LRRN2: variants seen among roughly 807,000 people sequenced by gnomAD.
The protein encoded by LRRN2 is leucine-rich repeat neuronal protein 2.
In LRRN2, 10 loss-of-function variants were observed where a neutral mutation model predicts 35.7. The ratio of observed to expected loss-of-function variants is 0.28; its 90% confidence interval spans 0.17 to 0.47. LRRN2 has a LOEUF of 0.47. Among genes scored for constraint, LRRN2 ranks in the 20% least tolerant of loss-of-function variants. LRRN2 has a pLI of 0.99. For missense variants in LRRN2, 731 were observed against 940.3 expected (o/e 0.78, Z 2.91); for synonymous variants, 391 against 409.6 (o/e 0.95, Z 0.55).
chr1:204,649,278 T>C (rs1668173943), intron 1 of LRRN2, among the ~76,000 whole-genome samples: 1 of 152,188 alleles, frequency 6.6e-6, no homozygotes, highest in Non-Finnish European at 1.5e-5. Context: ...TCAGGCGCTC[T>C]GGGCTGAACA....
intron 1 of LRRN2, among the ~76,000 whole-genome samples, chr1:204,677,208 T>C (rs1409521216): frequency 6.6e-6 from 1 of 152,218 alleles, no homozygotes; most frequent in Non-Finnish European, 1.5e-5. Flanking sequence ...TTCCACTTCC[T>C]CTGGATTGTA....
At chr1:204,637,645 C>CGTGT (rs67761829) in intron 1 of LRRN2, among the ~76,000 whole-genome samples, 8,146 of 129,856 alleles carry the variant, frequency 0.063, 254 homozygotes, top group East Asian at 0.11. Context: ...CAGCACGTGA[C>CGTGT]GTGTGTGTGT....
intron 1 of LRRN2, among the ~76,000 whole-genome samples, chr1:204,630,268 G>A (rs1038807235): frequency 6.6e-6 from 1 of 150,998 alleles, no homozygotes; most frequent in African/African-American, 2.4e-5. Context: ...CTGCCTCCAA[G>A]TGTCAGTGGT....
intron 1 of LRRN2, among the ~76,000 whole-genome samples, chr1:204,669,771 G>A (rs747218496): frequency 2.0e-5 from 3 of 152,216 alleles, no homozygotes; most frequent in Non-Finnish European, 2.9e-5. Flanking sequence ...GGTGCAGAGT[G>A]CAGAGCATGA....
At chr1:204,652,264 C>CCCCCCCG (rs1553348482) in intron 1 of LRRN2, among the ~76,000 whole-genome samples, 1 of 10,544 alleles carries the variant, frequency 9.5e-5, no homozygotes, top group Admixed American at 1.3e-3. Context: ...TTCACCGCCC[C>CCCCCCCG]CCCCCCGCCC....
rs1441165495 is a variant in LRRN2, at chr1:204,618,412, C to T, written c.1581G>A (p.Gln527=). 1 of 1,613,872 alleles carries T rather than the reference C, an allele frequency of 6.2e-7. No homozygotes were observed. The highest frequency in any genetic ancestry group is 1.1e-5 in the South Asian group (1 of 91,078). ...ALLQPGRDEG[Q]GLELRVQETH... ...TCTCCTGCACCCGGAGCTCCAGCCCCTGTCCTTCGTCCCTGCCTGGCTGGA... is the reference window on the plus strand; with the variant it reads ...TCTCCTGCACCCGGAGCTCCAGCCCTTGTCCTTCGTCCCTGCCTGGCTGGA... Residue 527 remains glutamine (Q), a synonymous_variant, in exon 2 of 2, where the codon CAG becomes CAA. Transcript: ENST00000367177.
intron 1 of LRRN2, among the ~76,000 whole-genome samples, chr1:204,668,486 T>C (rs1308369810): frequency 1.3e-5 from 2 of 152,076 alleles, no homozygotes; most frequent in Non-Finnish European, 2.9e-5. Context: ...ACCCAGCTAC[T>C]TGGGAGGCTG....
At chr1:204,647,495 C>G (rs1204733282) in intron 1 of LRRN2, among the ~76,000 whole-genome samples, 1 of 152,082 alleles carries the variant, frequency 6.6e-6, no homozygotes, top group Non-Finnish European at 1.5e-5. Context: ...TTTGTCTCAC[C>G]TATTTAAAGG....
intron 1 of LRRN2, among the ~76,000 whole-genome samples, chr1:204,676,174 A>C (rs59543676): frequency 7.1e-6 from 1 of 140,224 alleles, no homozygotes; most frequent in African/African-American, 3.0e-5. Context: ...GTGTGTGTGT[A>C]CCCACCCATG....
At chr1:204,621,468 C>G (rs903668164) in intron 1 of LRRN2, 7 of 167,232 alleles carry the variant, frequency 4.2e-5, no homozygotes, top group Non-Finnish European at 8.8e-5. Context: ...TATGCTCTTG[C>G]AGTACTCATG....
At position 204,617,868 on chromosome 1, in the gene LRRN2, A is replaced by G. The variant is rs762930050; in HGVS notation, c.2125T>C (p.Leu709=). 28 of 1,613,874 alleles carry G rather than the reference A, an allele frequency of 1.7e-5. No homozygotes were observed. The highest frequency in any genetic ancestry group is 2.2e-5 in the Non-Finnish European group (26 of 1,179,922). ...GCTGAGCTTCAAGAATTTTGAGACA[A>G]TGGTGGCAACAGTGTCTCCCCTTCT... is the stretch of plus-strand genomic sequence containing the variant. ...SSEGETLLPP[L]SQNS is the part of the protein sequence containing the mutation. The change falls in exon 2 of 2, where the codon TTG becomes CTG. Residue 709 remains leucine (L), a synonymous_variant. Transcript: ENST00000367177.
At chr1:204,654,504 T>C (rs1239733472) in intron 1 of LRRN2, among the ~76,000 whole-genome samples, 4 of 152,262 alleles carry the variant, frequency 2.6e-5, no homozygotes, top group Admixed American at 2.0e-4. Context: ...AAGGAAGTTG[T>C]ACAAAGTTCT....
intron 1 of LRRN2, among the ~76,000 whole-genome samples, chr1:204,643,276 G>A (rs1668022295): frequency 6.6e-6 from 1 of 152,222 alleles, no homozygotes; most frequent in African/African-American, 2.4e-5. Flanking sequence ...TTAATCTGAA[G>A]TCCTCAGTTG....
At chr1:204,642,897 A>T (rs946136505) in intron 1 of LRRN2, among the ~76,000 whole-genome samples, 1 of 152,198 alleles carries the variant, frequency 6.6e-6, no homozygotes, top group Non-Finnish European at 1.5e-5. Context: ...ATCCCCTGGA[A>T]GGTGCAGCAC....
intron 1 of LRRN2, among the ~76,000 whole-genome samples, chr1:204,650,133 G>A (rs1257270411): frequency 6.6e-6 from 1 of 152,232 alleles, no homozygotes; most frequent in Non-Finnish European, 1.5e-5. Flanking sequence ...TCTGATGCAA[G>A]GGGGGCAGCT....
intron 1 of LRRN2, chr1:204,620,730 G>A (rs1370680581): frequency 6.0e-6 from 1 of 167,628 alleles, no homozygotes; most frequent in Non-Finnish European, 1.5e-5. Flanking sequence ...GTGTGTATGT[G>A]TGTGTGTACA....
At chr1:204,652,248 C>T (rs1412312272) in intron 1 of LRRN2, among the ~76,000 whole-genome samples, 18 of 118,070 alleles carry the variant, frequency 1.5e-4, no homozygotes, top group Middle Eastern at 3.8e-3. Flanking sequence ...CCTTCGCCCT[C>T]TCCTCTTCAC....
intron 1 of LRRN2, among the ~76,000 whole-genome samples, chr1:204,656,154 C>T (rs1668351025): frequency 6.6e-6 from 1 of 152,182 alleles, no homozygotes; most frequent in African/African-American, 2.4e-5. Flanking sequence ...CATGATCTGC[C>T]CGCCTCAGCC....
intron 1 of LRRN2, among the ~76,000 whole-genome samples, chr1:204,657,121 C>T (rs182505010): frequency 7.9e-5 from 12 of 152,086 alleles, no homozygotes; most frequent in African/African-American, 2.4e-4. Flanking sequence ...CTGGCCAACA[C>T]GGCGAAACCC....
Sources: allele counts gnomAD v4.1 joint callset (sites outside exome capture counted in the v4.1 genomes callset), GRCh38; gene constraint gnomAD v4.1.1; transcripts MANE v1.5; gene names NCBI Gene and HGNC (gene_info 2026-07-23, HGNC 2026-07-21).